Variants in KMT2E observed in about 807,000 individuals in gnomAD.
KMT2E encodes lysine methyltransferase 2E (inactive).
KMT2E carries 30 observed loss-of-function variants against 184.6 expected under a neutral mutation model. That is an observed-to-expected ratio of 0.16 (90% CI 0.12 to 0.22). KMT2E has a LOEUF of 0.22. Among genes scored for constraint, KMT2E ranks in the 10% least tolerant of loss-of-function variants. The probability of loss-of-function intolerance (pLI) is 1.00; values close to 1 mark genes in which losing one functional copy is unlikely to be tolerated. For missense variants in KMT2E, 2,023 were observed against 2,237.4 expected, an observed-to-expected ratio of 0.90 and a Z score of 1.93; for synonymous variants, 815 against 776.5, an observed-to-expected ratio of 1.05 and a Z score of -0.82.
intron 15 of KMT2E, among the ~76,000 whole-genome samples, chr7:105,092,261 C>T (rs1171356722): frequency 1.3e-5 from 2 of 152,096 alleles, no homozygotes; most frequent in African/African-American, 4.8e-5. Flanking sequence ...ACTAAAAATA[C>T]AAAAATTAGC....
At position 105,019,651 on chromosome 7, in the gene KMT2E, G is replaced by A. The variant is rs115402168; in HGVS notation, c.-189+5116G>A. Among the ~76,000 whole-genome samples, 755 of 152,228 alleles carry A rather than the reference G, an allele frequency of 5.0e-3. 4 individuals carry two copies. Among genetic ancestry groups the A allele is most frequent in the Middle Eastern group, 6.8e-3 (2 of 294 alleles). On this transcript the variant is annotated intron_variant, in intron 1 of 26. Transcript: ENST00000311117. ...CAAATATGAAATCTGGGTTTAGAAAGGATCTGCATGCAGGTCAACGTGATA... is the reference window on the plus strand; with the variant it reads ...CAAATATGAAATCTGGGTTTAGAAAAGATCTGCATGCAGGTCAACGTGATA...
In KMT2E at chr7:105,032,608, G is replaced by A. The variant is rs530731267; in HGVS notation, c.-188-5518G>A. Reference sequence around the variant, plus strand: ...CCTCAGACTCCTGGGCTCAAGTGACGTTGTCACCTCAGCCTCCCAGTTAGC... The same window carrying A: ...CCTCAGACTCCTGGGCTCAAGTGACATTGTCACCTCAGCCTCCCAGTTAGC... On this transcript the variant is annotated intron_variant, in intron 1 of 26. Transcript: ENST00000311117. Among the ~76,000 whole-genome samples the A allele has an allele frequency of 3.9e-5, 6 of 152,242 alleles. No individual in the cohort carries two copies. The South Asian group carries it at 6.2e-4, about 16-fold the overall frequency.
At chr7:105,023,050 A>C (rs1795017626) in intron 1 of KMT2E, among the ~76,000 whole-genome samples, 1 of 152,232 alleles carries the variant, frequency 6.6e-6, no homozygotes, top group Non-Finnish European at 1.5e-5. Flanking sequence ...GAACACACAC[A>C]CAAAAGATGT....
At chr7:105,082,946 A>G (rs571654919) in intron 13 of KMT2E, among the ~76,000 whole-genome samples, 31 of 152,294 alleles carry the variant, frequency 2.0e-4, no homozygotes, top group African/African-American at 4.3e-4. Context: ...TTTGGAAGCA[A>G]TCATCTCCAT....
rs1294019236 is a variant in KMT2E at position 105,077,521 on chromosome 7, CT to C, written c.1130+95del. 1.5e-5 allele frequency: 15 copies of C among 987,866 alleles called. No individual in the cohort carries two copies. The African/African-American group carries it at 2.1e-4, about 14-fold the overall frequency. 61.2% of individuals were successfully genotyped at this position (987,866 alleles called of 1,614,324 possible). A position where few individuals can be genotyped will look rare whatever the true frequency, so the allele number is the denominator to read the frequency against. ...TACCTAGATGTTGTGATTATATGTACTTTTTTTCCTACATGATCATTTCAGT... is the reference window on the plus strand; with the variant it reads ...TACCTAGATGTTGTGATTATATGTACTTTTTTCCTACATGATCATTTCAGT... On this transcript the variant is annotated intron_variant, in intron 11 of 26. Transcript: ENST00000311117.
rs1219880525 is a variant in KMT2E, at chr7:105,113,437, TA to T, written c.*110del. On this transcript the variant is annotated 3_prime_UTR_variant, in exon 27 of 27. Coordinates refer to ENST00000311117, the MANE Select transcript of KMT2E (RefSeq NM_182931.3). ...TAAAGCTTGTACATGAACCTTTGTA[TA>T]AAAAACACCAGTGCTCTTTCGTTGT... 8 of 1,230,006 alleles carry T rather than the reference TA, an allele frequency of 6.5e-6. No homozygotes were observed. In the East Asian group the frequency reaches 2.1e-4, roughly 32 times the overall value. The allele number at this position is 1,230,006 out of a possible 1,614,324, so 76.2% of individuals were successfully genotyped here.
At chr7:105,026,430 T>G (rs953666585) in intron 1 of KMT2E, among the ~76,000 whole-genome samples, 3 of 152,204 alleles carry the variant, frequency 2.0e-5, no homozygotes, top group African/African-American at 7.2e-5. Context: ...TACTATAGAT[T>G]AATTTAGTGG....
At chr7:105,021,436 C>T (rs570299572) in intron 1 of KMT2E, among the ~76,000 whole-genome samples, 1 of 152,156 alleles carries the variant, frequency 6.6e-6, no homozygotes, top group Non-Finnish European at 1.5e-5. Flanking sequence ...TTTATTTCAC[C>T]TTCTTAAAAG....
chr7:105,113,145 C>T lies in KMT2E; in HGVS notation c.5389C>T (p.Pro1797Ser), dbSNP rs934057089. 3 of 1,614,080 alleles carry T rather than the reference C, an allele frequency of 1.9e-6. No individual in the cohort carries two copies. Among genetic ancestry groups the T allele is most frequent in the African/African-American group, 1.3e-5 (1 of 74,936 alleles). ...PLPVTGPHLQ[P>S]QGPNSIPTPT... ...ACCTGTCACAGGTCCTCATCTCCAG[C>T]CCCAAGGACCAAACAGTATTCCAAC... The change falls in exon 27 of 27, where the codon CCC becomes TCC. Residue 1797 changes from proline (P) to serine (S), a missense_variant. By Grantham distance (74) the Pro-to-Ser change is moderately conservative (BLOSUM62 -1). Coordinates refer to ENST00000311117, the MANE Select transcript of KMT2E (RefSeq NM_182931.3).
At position 105,114,568 on chromosome 7, in the gene KMT2E, C is replaced by T. The variant is rs115608544; in HGVS notation, c.*1235C>T. On this transcript the variant is annotated 3_prime_UTR_variant, in exon 27 of 27. Transcript: ENST00000311117. ...TTCAAAAAATTAAAAATTTCCCAGCCTTTGTCTTCTACCTCTGAGGATTCA... is the reference window on the plus strand; with the variant it reads ...TTCAAAAAATTAAAAATTTCCCAGCTTTTGTCTTCTACCTCTGAGGATTCA... Among the ~76,000 whole-genome samples, 497 of 152,248 alleles carry T rather than the reference C, an allele frequency of 3.3e-3. 3 individuals are homozygous for T. Among genetic ancestry groups the T allele is most frequent in the African/African-American group, 0.012 (480 of 41,556 alleles).
At chr7:105,043,400 C>T (rs1362655138) in intron 3 of KMT2E, among the ~76,000 whole-genome samples, 1 of 151,542 alleles carries the variant, frequency 6.6e-6, no homozygotes, top group African/African-American at 2.4e-5. Context: ...CTACGCCCGG[C>T]TAATTTTTTG....
chr7:105,036,464 C>T (rs995946166), intron 1 of KMT2E, among the ~76,000 whole-genome samples: 1 of 152,136 alleles, frequency 6.6e-6, no homozygotes. Flanking sequence ...CCACAGCTCT[C>T]AGCCATCTGG....
Position 105,107,237 on chromosome 7 carries a change from TA to T in KMT2E, c.2904+20del. ...ATAGTCAAGAGGTAAGAAGTTAACT[TA>T]AAAAGGGTGAATTGGTAGTTTTTTT... On this transcript the variant is annotated intron_variant, in intron 21 of 26. Transcript: ENST00000311117. 6 of 1,544,902 alleles carry T rather than the reference TA, an allele frequency of 3.9e-6. No individual in the cohort carries two copies. Among genetic ancestry groups the T allele is most frequent in the Admixed American group, 2.1e-5 (1 of 48,710 alleles).
chr7:105,060,141 C>A (rs1191983200), intron 3 of KMT2E, among the ~76,000 whole-genome samples: 1 of 151,146 alleles, frequency 6.6e-6, no homozygotes, highest in Admixed American at 6.6e-5. Flanking sequence ...ATTACAGGTG[C>A]CTGCCATCAC....
At chr7:105,065,850 GACT>G (rs1797004532) in intron 5 of KMT2E, among the ~76,000 whole-genome samples, 1 of 152,132 alleles carries the variant, frequency 6.6e-6, no homozygotes, top group South Asian at 2.1e-4. Flanking sequence ...GAATAACTAA[GACT>G]TTTTGGAGTC....
chr7:105,072,793 G>T (rs948939965), intron 6 of KMT2E, among the ~76,000 whole-genome samples: 1 of 151,882 alleles, frequency 6.6e-6, no homozygotes, highest in African/African-American at 2.4e-5. Context: ...CACATGCCCG[G>T]AACCCCAGCT....
chr7:105,112,799 ACCCCCT>A lies in KMT2E; in HGVS notation c.5046_5051del (p.Pro1683_Pro1684del). ...CTGGACACCACTTACCCCCACCCCC[ACCCCCT>A]CCTGGTCCTGCCCCTCATCACCATC... On this transcript the variant is annotated inframe_deletion, in exon 27 of 27. Coordinates refer to ENST00000311117, the MANE Select transcript of KMT2E (RefSeq NM_182931.3). The A allele has an allele frequency of 3.9e-6, 2 of 507,444 alleles. No individual in the cohort carries two copies. Among genetic ancestry groups the A allele is most frequent in the Non-Finnish European group, 3.0e-6 (1 of 336,538 alleles). The allele number at this position is 507,444 out of a possible 1,614,324, so 31.4% of individuals were successfully genotyped here. A position where few individuals can be genotyped will look rare whatever the true frequency, so the allele number is the denominator to read the frequency against.
At position 105,112,753 on chromosome 7, in the gene KMT2E, C is replaced by T. The variant is rs756650112; in HGVS notation, c.4997C>T (p.Ser1666Leu). Residue 1666 changes from serine (S) to leucine (L), a missense_variant, in exon 27 of 27, where the codon TCG becomes TTG. Physicochemically the swap from Ser to Leu is moderately radical, Grantham distance 145 (BLOSUM62 -2). Around this residue, in one of 8 missense-constraint regions of KMT2E, gnomAD observed 1,108 missense variants for 1,050.9 expected, o/e 1.05. Coordinates refer to ENST00000311117, the MANE Select transcript of KMT2E (RefSeq NM_182931.3). ...VGPVHAVTPG[S>L]HIHSQTAGHH... ...CCTGTTCATGCGGTCACCCCTGGGT[C>T]GCATATTCATTCTCAAACTGCTGGA... 14 of 1,613,642 alleles carry T rather than the reference C, an allele frequency of 8.7e-6. No homozygotes were observed. The highest frequency in any genetic ancestry group is 2.2e-5 in the East Asian group (1 of 44,834).
At position 105,102,074 on chromosome 7, in the gene KMT2E, T is replaced by C; in HGVS notation, c.2076T>C (p.Asp692=). The part of the protein sequence containing the change: ...PDIEVTSQQN[D]IENTVLTIEP... Reference sequence around the variant, plus strand: ...TAGAAGTTACTTCACAACAAAATGATATTGAAAATACTGTACTTACAATAG... The same window carrying C: ...TAGAAGTTACTTCACAACAAAATGACATTGAAAATACTGTACTTACAATAG... Residue 692 remains aspartate (D), a synonymous_variant, in exon 17 of 27, where the codon GAT becomes GAC. Transcript: ENST00000311117. The C allele has an allele frequency of 1.2e-6, 2 of 1,613,872 alleles. No individual in the cohort carries two copies.
Sources: allele counts gnomAD v4.1 joint callset (sites outside exome capture counted in the v4.1 genomes callset), GRCh38; gene constraint gnomAD v4.1.1; regional missense constraint gnomAD v4.1.1; transcripts MANE v1.5; gene names NCBI Gene and HGNC (gene_info 2026-07-23, HGNC 2026-07-21).